The following CRACD variants were observed in gnomAD, a reference collection of about 807,000 sequenced individuals.
The protein encoded by CRACD is capping protein inhibiting regulator of actin dynamics.
In CRACD, 56 loss-of-function variants were observed where a neutral mutation model predicts 106.8. The ratio of observed to expected loss-of-function variants is 0.52; its 90% CI spans 0.42 to 0.66. The LOEUF is 0.66. Among genes scored for constraint, CRACD ranks in the 30% least tolerant of loss-of-function variants. The probability of loss-of-function intolerance (pLI) is 0.00; values close to 1 mark genes in which losing one functional copy is unlikely to be tolerated. For synonymous variants in CRACD, 754 were observed against 670.8 expected, an observed-to-expected ratio of 1.12 and a Z score of -1.92; for missense variants, 1,730 against 1,623.2, an observed-to-expected ratio of 1.07 and a Z score of -1.13.
intron 2 of CRACD, among the ~76,000 whole-genome samples, chr4:56,257,947 G>A (rs1741468397): frequency 6.6e-6 from 1 of 151,930 alleles, no homozygotes; most frequent in Admixed American, 6.6e-5. Context: ...GCGCGTGCCT[G>A]TAGTCCTAGC....
Position 56,313,266 on chromosome 4 carries a change from T to A in CRACD, c.424T>A (p.Leu142Ile). Reference protein sequence around the residue: ...SSAGTIESVNLDAIPLAIARL... With the variant: ...SSAGTIESVNIDAIPLAIARL... ...TGCTGGCACCATCGAAAGTGTCAAC[T>A]TAGATGCCATCCCCCTGGCCATCGC... The change falls in exon 7 of 11, where the codon TTA becomes ATA. Residue 142 changes from leucine to isoleucine, a missense_variant. By Grantham distance (5) the Leu-to-Ile change is conservative. This residue lies in a region of CRACD where 1,620 missense variants were observed against 1,481.6 expected (regional missense o/e 1.09). Coordinates refer to ENST00000682029, the MANE Select transcript of CRACD (RefSeq NM_001393381.1). 1 of 1,614,160 alleles carries A rather than the reference T, an allele frequency of 6.2e-7. No individual in the cohort carries two copies. Among genetic ancestry groups the A allele is most frequent in the Non-Finnish European group, 8.5e-7 (1 of 1,180,028 alleles).
chr4:56,196,470 C>G (rs368400960), intron 2 of CRACD: 1 of 153,274 alleles, frequency 6.5e-6, no homozygotes, highest in East Asian at 1.9e-4. Context: ...ATTAAAGAGA[C>G]AGAAGCCCCC....
At chr4:56,058,223 C>T (rs561365199) in intron 1 of CRACD, among the ~76,000 whole-genome samples, 4 of 152,176 alleles carry the variant, frequency 2.6e-5, no homozygotes, top group Non-Finnish European at 4.4e-5. Flanking sequence ...TTGTGTGCCA[C>T]CACGCCTGGC....
intron 2 of CRACD, among the ~76,000 whole-genome samples, chr4:56,223,604 T>C (rs1038240738): frequency 2.6e-5 from 4 of 152,228 alleles, no homozygotes; most frequent in South Asian, 2.1e-4. Flanking sequence ...GCAACACTTA[T>C]TGAATGGTCT....
chr4:56,307,183 G>C (rs1276161891), intron 4 of CRACD, among the ~76,000 whole-genome samples: 1 of 152,106 alleles, frequency 6.6e-6, no homozygotes, highest in Non-Finnish European at 1.5e-5. Flanking sequence ...TTATGTAAAT[G>C]AATTTATAGG....
At chr4:56,055,058 C>A (rs1560437353) in intron 1 of CRACD, among the ~76,000 whole-genome samples, 1 of 152,104 alleles carries the variant, frequency 6.6e-6, no homozygotes, top group Non-Finnish European at 1.5e-5. Flanking sequence ...GTAAATTTAG[C>A]CCACTAGAAA....
At chr4:56,244,110 A>G (rs958741598) in intron 2 of CRACD, among the ~76,000 whole-genome samples, 1 of 152,166 alleles carries the variant, frequency 6.6e-6, no homozygotes, top group Non-Finnish European at 1.5e-5. Context: ...ACCACCTTAT[A>G]TTGGTTTCTA....
intron 1 of CRACD, among the ~76,000 whole-genome samples, chr4:56,145,220 T>C (rs1053965456): frequency 6.6e-6 from 1 of 152,236 alleles, no homozygotes; most frequent in Non-Finnish European, 1.5e-5. Context: ...TTCTCATTGA[T>C]TCTTGATTTT....
In CRACD at chr4:56,316,170, C is replaced by A; in HGVS notation, c.2668C>A (p.Arg890Ser). The A allele has an allele frequency of 6.2e-7, 1 of 1,614,110 alleles. No homozygotes were observed. Among genetic ancestry groups the A allele is most frequent in the Non-Finnish European group, 8.5e-7 (1 of 1,180,002 alleles). The change falls in exon 8 of 11, where the codon CGT (arginine) becomes AGT (serine). Residue 890 changes from arginine to serine, a missense_variant. By Grantham distance (110) the Arg-to-Ser change is moderately radical. Around this residue, in one of 5 missense-constraint regions of CRACD, gnomAD observed 1,620 missense variants for 1,481.6 expected, o/e 1.09. Coordinates refer to ENST00000682029, the MANE Select transcript of CRACD (RefSeq NM_001393381.1). ...AGGGCCGCCTGCAGCGGGGAGCGCTCGTGGAGAGAAAGAGATGGAGGGTGT... is the reference window on the plus strand; with the variant it reads ...AGGGCCGCCTGCAGCGGGGAGCGCTAGTGGAGAGAAAGAGATGGAGGGTGT... ...DAGPPAAGSARGEKEMEGVAL... is the reference protein window; with the variant it reads ...DAGPPAAGSASGEKEMEGVAL...
intron 1 of CRACD, among the ~76,000 whole-genome samples, chr4:56,117,156 G>T (rs1011590303): frequency 1.3e-5 from 2 of 151,706 alleles, no homozygotes; most frequent in Non-Finnish European, 2.9e-5. Context: ...GAGTAACTGG[G>T]ACTACAGGTG....
chr4:56,092,172 G>C (rs1733443372), intron 1 of CRACD, among the ~76,000 whole-genome samples: 1 of 152,184 alleles, frequency 6.6e-6, no homozygotes, highest in Non-Finnish European at 1.5e-5. Context: ...GGGGTGATGA[G>C]TGACTTTGTG....
chr4:56,151,810 A>G (rs1458888746), intron 1 of CRACD, among the ~76,000 whole-genome samples: 1 of 151,944 alleles, frequency 6.6e-6, no homozygotes, highest in Admixed American at 6.6e-5. Context: ...CATATCTCTC[A>G]GTTTATGATT....
chr4:56,093,786 C>A (rs182205383), intron 1 of CRACD, among the ~76,000 whole-genome samples: 3 of 152,266 alleles, frequency 2.0e-5, no homozygotes, highest in Admixed American at 6.5e-5. Flanking sequence ...CCTTCTGGCC[C>A]AGGGCAATTT....
chr4:56,220,933 A>C (rs1738997574), intron 2 of CRACD, among the ~76,000 whole-genome samples: 1 of 152,140 alleles, frequency 6.6e-6, no homozygotes, highest in South Asian at 2.1e-4. Context: ...AACTCACCAG[A>C]TGGAGAAGTG....
intron 2 of CRACD, among the ~76,000 whole-genome samples, chr4:56,223,112 A>G (rs1739135274): frequency 1.3e-5 from 2 of 151,420 alleles, no homozygotes; most frequent in Non-Finnish European, 2.9e-5. Context: ...GAAGTTCTTG[A>G]AGATGTTGAC....
intron 1 of CRACD, among the ~76,000 whole-genome samples, chr4:56,090,029 G>A (rs1302547177): frequency 2.0e-5 from 3 of 151,882 alleles, no homozygotes; most frequent in Non-Finnish European, 4.4e-5. Flanking sequence ...ATTCTGAGGG[G>A]CATCTAGGGG....
At chr4:56,234,680 T>A (rs766649292) in intron 2 of CRACD, among the ~76,000 whole-genome samples, 3 of 152,090 alleles carry the variant, frequency 2.0e-5, no homozygotes, top group African/African-American at 4.8e-5. Flanking sequence ...AGCCAGGATT[T>A]GATAGGGTAA....
intron 8 of CRACD, among the ~76,000 whole-genome samples, chr4:56,318,299 C>G (rs979549132): frequency 3.3e-5 from 5 of 152,228 alleles, no homozygotes; most frequent in Middle Eastern, 3.4e-3. Context: ...CCCAGCTTGT[C>G]CTTTTTTAAA....
chr4:56,149,017 T>C (rs1444597300), intron 1 of CRACD, among the ~76,000 whole-genome samples: 6 of 152,270 alleles, frequency 3.9e-5, no homozygotes, highest in African/African-American at 1.4e-4. Context: ...GGTTTCACCA[T>C]ATTGGCCAGG....
Sources: allele counts gnomAD v4.1 joint callset (sites outside exome capture counted in the v4.1 genomes callset), GRCh38; gene constraint gnomAD v4.1.1; regional missense constraint gnomAD v4.1.1; transcripts MANE v1.5; gene names NCBI Gene and HGNC (gene_info 2026-07-23, HGNC 2026-07-21).